MYO1D: variants seen among roughly 807,000 people sequenced by gnomAD.
MYO1D encodes the protein unconventional myosin-Id.
In MYO1D, 83 loss-of-function variants were observed where a neutral mutation model predicts 122.0. That is an observed-to-expected ratio of 0.68 (90% CI 0.57 to 0.82). MYO1D has a LOEUF of 0.82. Ranked by LOEUF, MYO1D falls within the 40% of genes least tolerant of loss-of-function variation. The probability of loss-of-function intolerance (pLI) is 0.00; values close to 1 mark genes in which losing one functional copy is unlikely to be tolerated. For synonymous variants in MYO1D, 464 were observed against 446.9 expected, an observed-to-expected ratio of 1.04 and a Z score of -0.48; for missense variants, 1,157 against 1,269.5, an observed-to-expected ratio of 0.91 and a Z score of 1.35.
chr17:32,571,549 T>C (rs1043204203), intron 21 of MYO1D, among the ~76,000 whole-genome samples: 3 of 152,146 alleles, frequency 2.0e-5, no homozygotes, highest in Admixed American at 6.5e-5. Flanking sequence ...GGACCGAGAA[T>C]TGGGTTTAAA....
chr17:32,718,308 A>G lies in MYO1D; in HGVS notation c.1913+2715T>C, dbSNP rs566137450. ...TTCTAGTCTGCCATACAAATAGCTAACCACTATTCTGATTTCTATCACCAT... is the reference window on the plus strand; with the variant it reads ...TTCTAGTCTGCCATACAAATAGCTAGCCACTATTCTGATTTCTATCACCAT... On this transcript the variant is annotated intron_variant, in intron 15 of 21. Coordinates refer to ENST00000318217, the MANE Select transcript of MYO1D (RefSeq NM_015194.3). 1.8e-4 allele frequency among the ~76,000 whole-genome samples: 28 copies of G among 152,290 alleles called. No homozygotes were observed. In the South Asian group the frequency reaches 5.8e-3, roughly 32 times the overall value.
chr17:32,724,119 G>A (rs1046857311), intron 14 of MYO1D, among the ~76,000 whole-genome samples: 6 of 152,060 alleles, frequency 3.9e-5, no homozygotes, highest in South Asian at 2.1e-4. Flanking sequence ...TGGGGAAGTC[G>A]GGCGGAGGCA....
intron 21 of MYO1D, among the ~76,000 whole-genome samples, chr17:32,524,418 G>C (rs1225003417): frequency 6.6e-6 from 1 of 151,928 alleles, no homozygotes; most frequent in Non-Finnish European, 1.5e-5. Context: ...CTTTGGACAG[G>C]GTCACGCTCT....
At chr17:32,502,794 T>C (rs1411916676) in intron 21 of MYO1D, among the ~76,000 whole-genome samples, 1 of 152,164 alleles carries the variant, frequency 6.6e-6, no homozygotes, top group Non-Finnish European at 1.5e-5. Context: ...GAAATCCAAC[T>C]AGAGCCAGAA....
chr17:32,643,365 T>G (rs1047817650), intron 19 of MYO1D, among the ~76,000 whole-genome samples: 3 of 152,056 alleles, frequency 2.0e-5, no homozygotes, highest in Admixed American at 6.6e-5. Context: ...GTTCATCAGG[T>G]ATATTGGTCT....
At chr17:32,552,239 C>T (rs1023525257) in intron 21 of MYO1D, among the ~76,000 whole-genome samples, 2 of 152,164 alleles carry the variant, frequency 1.3e-5, no homozygotes, top group Non-Finnish European at 2.9e-5. Context: ...CCACACCTGG[C>T]TAATTTTTGT....
intron 1 of MYO1D, among the ~76,000 whole-genome samples, chr17:32,844,403 GTA>G (rs2090916264): frequency 6.9e-6 from 1 of 145,758 alleles, no homozygotes; most frequent in African/African-American, 2.5e-5. Flanking sequence ...TATATAATAT[GTA>G]TATATGTGTA....
In MYO1D at chr17:32,546,909, CT is replaced by C. The variant is rs11410191; in HGVS notation, c.2865-51995del. On this transcript the variant is annotated intron_variant, in intron 21 of 21. Coordinates refer to ENST00000318217, the MANE Select transcript of MYO1D (RefSeq NM_015194.3). ...CTGGCCAAGTCACAAAAATAAGAACCTTTTTTTTTTTTTTTTAGAGACAGGG... is the reference window on the plus strand; with the variant it reads ...CTGGCCAAGTCACAAAAATAAGAACCTTTTTTTTTTTTTTTAGAGACAGGG... Among the ~76,000 whole-genome samples, 747 of 138,386 alleles carry C rather than the reference CT, an allele frequency of 5.4e-3. 2 individuals carry two copies. Among genetic ancestry groups the C allele is most frequent in the African/African-American group, 0.011 (413 of 37,152 alleles). 90.8% of individuals were successfully genotyped at this position (138,386 alleles called of 152,430 possible).
chr17:32,604,499 T>C (rs901079162), intron 21 of MYO1D, among the ~76,000 whole-genome samples: 1 of 152,226 alleles, frequency 6.6e-6, no homozygotes, highest in Non-Finnish European at 1.5e-5. Flanking sequence ...ATCCATTCAC[T>C]GGTCCCCATC....
chr17:32,792,159 C>T (rs1284947998), intron 1 of MYO1D, among the ~76,000 whole-genome samples: 1 of 152,110 alleles, frequency 6.6e-6, no homozygotes, highest in Non-Finnish European at 1.5e-5. Flanking sequence ...GTAGCTATTT[C>T]TTTGTGCATA....
intron 16 of MYO1D, among the ~76,000 whole-genome samples, chr17:32,711,551 C>T (rs143339365): frequency 8.1e-4 from 123 of 151,946 alleles, no homozygotes; most frequent in African/African-American, 2.8e-3. Context: ...GAGGCTGAGG[C>T]AGGAGAATCA....
chr17:32,615,671 T>C (rs952107569), intron 20 of MYO1D, among the ~76,000 whole-genome samples: 1 of 152,250 alleles, frequency 6.6e-6, no homozygotes, highest in African/African-American at 2.4e-5. Context: ...CAGAGTGGGA[T>C]TGTAAAATCC....
At chr17:32,814,013 T>C (rs2090593563) in intron 1 of MYO1D, among the ~76,000 whole-genome samples, 1 of 152,220 alleles carries the variant, frequency 6.6e-6, no homozygotes, top group South Asian at 2.1e-4. Flanking sequence ...GCAACACTTT[T>C]TAGAAAAGTG....
intron 1 of MYO1D, among the ~76,000 whole-genome samples, chr17:32,849,251 G>A (rs2090964456): frequency 6.7e-6 from 1 of 150,254 alleles, no homozygotes; most frequent in Non-Finnish European, 1.5e-5. Context: ...ATGGAAGTCA[G>A]TGTGGCCATT....
intron 21 of MYO1D, among the ~76,000 whole-genome samples, chr17:32,589,694 G>A (rs1001230026): frequency 9.2e-5 from 14 of 152,350 alleles, no homozygotes; most frequent in Middle Eastern, 3.4e-3. Flanking sequence ...ACAGGAGGAA[G>A]CTTCTTTAAC....
intron 1 of MYO1D, among the ~76,000 whole-genome samples, chr17:32,793,409 TAGAA>T (rs1555542859): frequency 1.3e-5 from 2 of 151,786 alleles, no homozygotes; most frequent in Non-Finnish European, 2.9e-5. Flanking sequence ...ATAACAAAGA[TAGAA>T]AGAATGTCAT....
At chr17:32,739,096 C>T (rs1316261284) in intron 13 of MYO1D, among the ~76,000 whole-genome samples, 5 of 152,190 alleles carry the variant, frequency 3.3e-5, no homozygotes, top group South Asian at 2.1e-4. Context: ...TTTTTAAAAA[C>T]GTGTAGTGAT....
chr17:32,541,398 G>A (rs1367762445), intron 21 of MYO1D, among the ~76,000 whole-genome samples: 2 of 152,200 alleles, frequency 1.3e-5, no homozygotes, highest in Admixed American at 6.5e-5. Flanking sequence ...TACAGGGGCA[G>A]AAAGTAGATT....
intron 21 of MYO1D, among the ~76,000 whole-genome samples, chr17:32,587,512 CA>C (rs576200395): frequency 0.31 from 32,542 of 104,360 alleles, 3,119 homozygotes; most frequent in Middle Eastern, 0.45. Context: ...AACTCCGTTT[CA>C]AAAAAAAAAA....
Sources: gnomAD v4.1 joint callset for allele counts (sites outside exome capture counted in the v4.1 genomes callset) on GRCh38, gnomAD v4.1.1 for gene constraint, MANE v1.5 for transcripts, NCBI Gene and HGNC (gene_info 2026-07-23, HGNC 2026-07-21) for gene names.